The following MFSD6 variants were observed in gnomAD, a reference collection of about 807,000 sequenced individuals.
The protein encoded by MFSD6 is major facilitator superfamily domain-containing protein 6.
In MFSD6, 26 loss-of-function variants were observed where a neutral mutation model predicts 56.3. The ratio of observed to expected loss-of-function variants is 0.46; its 90% CI spans 0.34 to 0.64. The LOEUF (loss-of-function observed/expected upper bound fraction) is 0.64, where lower values mean the gene tolerates loss of function less well. Ranked by LOEUF, MFSD6 falls within the 30% of genes least tolerant of loss-of-function variation. The pLI, the probability that MFSD6 is intolerant of heterozygous loss-of-function variation, is 0.01. For missense variants in MFSD6, 750 were observed against 986.2 expected (o/e 0.76, Z 3.21); for synonymous variants, 331 against 366.9 (o/e 0.90, Z 1.12).
chr2:190,493,283 A>G (rs1689469752), intron 6 of MFSD6, among the ~76,000 whole-genome samples: 1 of 152,144 alleles, frequency 6.6e-6, no homozygotes, highest in African/African-American at 2.4e-5. Flanking sequence ...AAAAAAGACA[A>G]AGGGTGACAT....
intron 1 of MFSD6, chr2:190,411,490 T>A: frequency 1.0e-6 from 1 of 985,326 alleles, no homozygotes; most frequent in South Asian, 4.7e-5. Context: ...TGAGACAAGA[T>A]GGAGAAAAGA....
chr2:190,452,269 T>C (rs7603228), intron 3 of MFSD6, among the ~76,000 whole-genome samples: 133,882 of 152,126 alleles, frequency 0.88, 59,719 homozygotes, highest in East Asian at 1. Flanking sequence ...ACAACAACAA[T>C]AACACAACAA....
rs1408427629 is a variant in MFSD6 at position 190,469,229 on chromosome 2, G to T, written c.1533-529G>T. ...AAATAGTTTATAGTAGTTAGTGAAT[G>T]ATAGTTTTCAATGACCTTCAGAGTC... is the stretch of plus-strand genomic sequence containing the variant. On this transcript the variant is annotated intron_variant, in intron 3 of 7. Coordinates refer to ENST00000392328, the MANE Select transcript of MFSD6 (RefSeq NM_017694.4). The surrounding 1 kb of genome is among the most constrained non-coding windows in gnomAD (Gnocchi z 5.3). Among the ~76,000 whole-genome samples the T allele has an allele frequency of 6.6e-6, 1 of 152,190 alleles. No individual in the cohort carries two copies. Among genetic ancestry groups the T allele is most frequent in the African/African-American group, 2.4e-5 (1 of 41,450 alleles).
rs1685742149 is a variant in MFSD6, at chr2:190,424,960, C to T, written c.-54+9547C>T. 6.6e-6 allele frequency among the ~76,000 whole-genome samples: 1 copy of T among 152,164 alleles called. No homozygotes were observed. The highest frequency in any genetic ancestry group is 2.1e-4 in the South Asian group (1 of 4,820). On this transcript the variant is annotated intron_variant, in intron 2 of 7. Coordinates refer to ENST00000392328, the MANE Select transcript of MFSD6 (RefSeq NM_017694.4). The surrounding 1 kb of genome is among the most constrained non-coding windows in gnomAD (Gnocchi z 5.9). Reference sequence around the variant, plus strand: ...GATTTTGATAGGAGTTGTGTTAAACCTGTATATCAATTTGAGGAGAATTGA... The same window carrying T: ...GATTTTGATAGGAGTTGTGTTAAACTTGTATATCAATTTGAGGAGAATTGA...
rs1336088704 is a variant in MFSD6 at position 190,498,235 on chromosome 2, TGAGTA to T, written c.2172+517_2172+521del. ...TTGTCCCCAGAGGAGTGATCTTTCC[TGAGTA>T]AAGTTAAAGCATGTTGATAAAAGTG... is the stretch of plus-strand genomic sequence containing the variant. On this transcript the variant is annotated intron_variant, in intron 7 of 7. Coordinates refer to ENST00000392328, the MANE Select transcript of MFSD6 (RefSeq NM_017694.4). The surrounding 1 kb of genome is among the most constrained non-coding windows in gnomAD (Gnocchi z 5.9). Among the ~76,000 whole-genome samples the T allele has an allele frequency of 6.6e-6, 1 of 152,224 alleles. No homozygotes were observed. Among genetic ancestry groups the T allele is most frequent in the African/African-American group, 2.4e-5 (1 of 41,472 alleles).
Position 190,496,581 on chromosome 2 carries a change from CATCA to C in MFSD6, c.1892-851_1892-848del, listed in dbSNP as rs1689690374. Among the ~76,000 whole-genome samples the C allele has an allele frequency of 6.6e-6, 1 of 152,066 alleles. No individual in the cohort carries two copies. Among genetic ancestry groups the C allele is most frequent in the Non-Finnish European group, 1.5e-5 (1 of 68,020 alleles). ...AAAATGTGGAACCAGCCCAAATGCC[CATCA>C]ATCAATGAGTGGATAAAGAAACTGT... On this transcript the variant is annotated intron_variant, in intron 6 of 7. Transcript: ENST00000392328. The surrounding 1 kb of genome is among the most constrained non-coding windows in gnomAD (Gnocchi z 4.7).
Position 190,412,726 on chromosome 2 carries a change from G to A in MFSD6, c.-175-2566G>A, listed in dbSNP as rs1690610318. ...CTACTGGCATTTTGGGGGTGAGAGG[G>A]GCTTGTGTCAGCCTGATTTGTTTTC... is the stretch of plus-strand genomic sequence containing the variant. On this transcript the variant is annotated intron_variant, in intron 1 of 7. Transcript: ENST00000392328. This position sits in a 1 kb window ranked among gnomAD's most constrained non-coding sequence, Gnocchi z 4.1. 2 of 587,540 alleles carry A rather than the reference G, an allele frequency of 3.4e-6. No individual in the cohort carries two copies. Among genetic ancestry groups the A allele is most frequent in the Non-Finnish European group, 4.3e-6 (2 of 466,764 alleles). 36.4% of individuals were successfully genotyped at this position (587,540 alleles called of 1,614,324 possible).
rs575270544 is a variant in MFSD6 at position 190,415,138 on chromosome 2, C to T, written c.-175-154C>T. On this transcript the variant is annotated intron_variant, in intron 1 of 7. Transcript: ENST00000392328. The surrounding 1 kb of genome is among the most constrained non-coding windows in gnomAD (Gnocchi z 4.5). ...GCAATAAAAATCTTTACATTTAAGT[C>T]TTTGCTTTTCAGAAAGTTTATGTTT... 2.0e-5 allele frequency among the ~76,000 whole-genome samples: 3 copies of T among 152,230 alleles called. No individual in the cohort carries two copies. The South Asian group carries it at 6.2e-4, about 32-fold the overall frequency.
chr2:190,448,978 A>G (rs889794551), intron 3 of MFSD6, among the ~76,000 whole-genome samples: 4 of 152,358 alleles, frequency 2.6e-5, no homozygotes, highest in Admixed American at 1.3e-4. Context: ...GTGCATAGTT[A>G]TAGCTGTATA....
chr2:190,481,809 C>T (rs1688684652), intron 4 of MFSD6, among the ~76,000 whole-genome samples: 1 of 152,196 alleles, frequency 6.6e-6, no homozygotes, highest in South Asian at 2.1e-4. Context: ...AACTTTCTTT[C>T]GTGCAGCACA....
At chr2:190,450,871 G>A (rs1686754417) in intron 3 of MFSD6, among the ~76,000 whole-genome samples, 1 of 152,108 alleles carries the variant, frequency 6.6e-6, no homozygotes, top group Non-Finnish European at 1.5e-5. Flanking sequence ...ATAAACTTTC[G>A]GTTACATTTG....
chr2:190,435,740 T>G (rs560688686), intron 2 of MFSD6, among the ~76,000 whole-genome samples: 1 of 152,350 alleles, frequency 6.6e-6, no homozygotes, highest in East Asian at 1.9e-4. Flanking sequence ...GAATCTGAGC[T>G]GTAAACCTGC....
chr2:190,447,459 T>G lies in MFSD6; in HGVS notation c.1532+9898T>G, dbSNP rs1686625199. ...TACTGCTAAGTCCTCTGCTAATATA[T>G]GGAGGACACATAGGCCCTATCTTAT... is the stretch of plus-strand genomic sequence containing the variant. On this transcript the variant is annotated intron_variant, in intron 3 of 7. Transcript: ENST00000392328. This position sits in a 1 kb window ranked among gnomAD's most constrained non-coding sequence, Gnocchi z 4.5. Among the ~76,000 whole-genome samples, 1 of 152,194 alleles carries G rather than the reference T, an allele frequency of 6.6e-6. No homozygotes were observed. The highest frequency in any genetic ancestry group is 2.4e-5 in the African/African-American group (1 of 41,456).
chr2:190,471,274 A>G lies in MFSD6; in HGVS notation c.1630+1419A>G, dbSNP rs1468060090. ...TAGTGGGTGCAGCGCGGTGAGCGTGAGCTGAAGCAGGGCGAGGCATCACCT... is the reference window on the plus strand; with the variant it reads ...TAGTGGGTGCAGCGCGGTGAGCGTGGGCTGAAGCAGGGCGAGGCATCACCT... On this transcript the variant is annotated intron_variant, in intron 4 of 7. Coordinates refer to ENST00000392328, the MANE Select transcript of MFSD6 (RefSeq NM_017694.4). This position sits in a 1 kb window ranked among gnomAD's most constrained non-coding sequence, Gnocchi z 4.7. Among the ~76,000 whole-genome samples the G allele has an allele frequency of 1.3e-5, 2 of 152,202 alleles. No individual in the cohort carries two copies. The highest frequency in any genetic ancestry group is 2.4e-5 in the African/African-American group (1 of 41,456).
rs909835752 is a variant in MFSD6 at position 190,426,375 on chromosome 2, T to C, written c.-53-9602T>C. Among the ~76,000 whole-genome samples, 1 of 152,254 alleles carries C rather than the reference T, an allele frequency of 6.6e-6. No individual in the cohort carries two copies. The highest frequency in any genetic ancestry group is 1.5e-5 in the Non-Finnish European group (1 of 68,036). ...TTTTTGTGGTTGTATTTTCCAGTTA[T>C]AAGTTTTCCATTTTTTCTTCCATTT... is the stretch of plus-strand genomic sequence containing the variant. On this transcript the variant is annotated intron_variant, in intron 2 of 7. Coordinates refer to ENST00000392328, the MANE Select transcript of MFSD6 (RefSeq NM_017694.4). This position sits in a 1 kb window ranked among gnomAD's most constrained non-coding sequence, Gnocchi z 4.7.
Position 190,497,990 on chromosome 2 carries a change from C to T in MFSD6, c.2172+271C>T. ...CTTGAAAGAAATAAAATAAATTAAT[C>T]CATTCTTTCATTGTATATTTGTTTT... On this transcript the variant is annotated intron_variant, in intron 7 of 7. Coordinates refer to ENST00000392328, the MANE Select transcript of MFSD6 (RefSeq NM_017694.4). This position sits in a 1 kb window ranked among gnomAD's most constrained non-coding sequence, Gnocchi z 5.2. 1 of 298,778 alleles carries T rather than the reference C, an allele frequency of 3.3e-6. No individual in the cohort carries two copies. Among genetic ancestry groups the T allele is most frequent in the Non-Finnish European group, 6.2e-6 (1 of 160,870 alleles). 18.5% of individuals were successfully genotyped at this position (298,778 alleles called of 1,614,324 possible).
intron 2 of MFSD6, among the ~76,000 whole-genome samples, chr2:190,432,451 G>A (rs915832980): frequency 3.9e-5 from 6 of 152,142 alleles, no homozygotes; most frequent in Admixed American, 1.3e-4. Flanking sequence ...GTCTTGCTCC[G>A]TCACCCAGGC....
intron 1 of MFSD6, chr2:190,411,026 G>A (rs1388831236): frequency 8.3e-6 from 6 of 721,028 alleles, no homozygotes; most frequent in Non-Finnish European, 1.0e-5. Flanking sequence ...CTGCACTCCA[G>A]CCTGGGCAAC....
chr2:190,484,884 T>C (rs1688923031), intron 4 of MFSD6, among the ~76,000 whole-genome samples: 1 of 152,138 alleles, frequency 6.6e-6, no homozygotes, highest in African/African-American at 2.4e-5. Context: ...ACAAGCAGAG[T>C]GGCTTTCATT....
Sources: gnomAD v4.1 joint callset for allele counts (sites outside exome capture counted in the v4.1 genomes callset) on GRCh38, gnomAD v4.1.1 for gene constraint, Gnocchi (gnomAD v3.1) non-coding constraint, MANE v1.5 for transcripts, NCBI Gene and HGNC (gene_info 2026-07-23, HGNC 2026-07-21) for gene names.